The following STXBP5L variants were observed in gnomAD, a reference collection of about 807,000 sequenced individuals.
STXBP5L encodes syntaxin binding protein 5L.
A neutral mutation model predicts 144.5 loss-of-function variants in STXBP5L; 65 were observed. That is an observed-to-expected ratio of 0.45 (90% confidence interval 0.37 to 0.55). The LOEUF is 0.55. Ranked by LOEUF, STXBP5L falls within the 20% of genes least tolerant of loss-of-function variation. STXBP5L has a pLI of 0.00. For synonymous variants in STXBP5L, 505 were observed against 469.6 expected, an observed-to-expected ratio of 1.08 and a Z score of -0.97; for missense variants, 1,298 against 1,405.5, an observed-to-expected ratio of 0.92 and a Z score of 1.22.
chr3:121,193,398 G>T lies in STXBP5L; in HGVS notation c.878-12525G>T, dbSNP rs1393301531. Among the ~76,000 whole-genome samples the T allele has an allele frequency of 2.1e-5, 3 of 143,936 alleles. 1 individual carries two copies. Among genetic ancestry groups the T allele is most frequent in the African/African-American group, 7.7e-5 (3 of 39,122 alleles). 94.4% of individuals were successfully genotyped at this position (143,936 alleles called of 152,430 possible). A position where few individuals can be genotyped will look rare whatever the true frequency, so the allele number is the denominator to read the frequency against. The stretch of plus-strand genomic sequence containing the variant: ...GGGAGTTTAAATTAGTTCAGCCATT[G>T]TGGAAGACAGTGTGGTGATTCCTCA... On this transcript the variant is annotated intron_variant, in intron 9 of 26. Transcript: ENST00000471454.
chr3:121,347,543 T>C (rs2045051120), intron 20 of STXBP5L, among the ~76,000 whole-genome samples: 1 of 152,214 alleles, frequency 6.6e-6, no homozygotes, highest in Admixed American at 6.5e-5. Context: ...ATAAATTACC[T>C]TGGGCAGTAT....
chr3:121,013,676 G>C (rs1216251883), intron 3 of STXBP5L, among the ~76,000 whole-genome samples: 1 of 151,838 alleles, frequency 6.6e-6, no homozygotes, highest in Non-Finnish European at 1.5e-5. Context: ...GTTCAATTAG[G>C]TCCCAACTGT....
chr3:121,316,252 G>A (rs1266076739), intron 19 of STXBP5L, among the ~76,000 whole-genome samples: 2 of 152,140 alleles, frequency 1.3e-5, no homozygotes, highest in East Asian at 1.9e-4. Context: ...TACTATTATT[G>A]TTAGATCCAT....
chr3:121,013,202 G>T (rs1944907742), intron 3 of STXBP5L, among the ~76,000 whole-genome samples: 1 of 151,846 alleles, frequency 6.6e-6, no homozygotes, highest in Non-Finnish European at 1.5e-5. Flanking sequence ...TTTTCCTTTG[G>T]ATATATACCC....
intron 3 of STXBP5L, among the ~76,000 whole-genome samples, chr3:121,034,857 C>A (rs983959143): frequency 6.6e-6 from 1 of 152,110 alleles, no homozygotes; most frequent in Non-Finnish European, 1.5e-5. Flanking sequence ...GTAAGTGTTC[C>A]CTTTCCTCCA....
At chr3:121,036,789 TTTTA>T (rs1179731654) in intron 3 of STXBP5L, among the ~76,000 whole-genome samples, 3 of 123,538 alleles carry the variant, frequency 2.4e-5, no homozygotes, top group Non-Finnish European at 4.8e-5. Flanking sequence ...TTTTTTTTTT[TTTTA>T]TTATACTCTA....
In STXBP5L at chr3:121,301,942, G is replaced by A. The variant is rs550258322; in HGVS notation, c.2111-16533G>A. Among the ~76,000 whole-genome samples, 5 of 152,288 alleles carry A rather than the reference G, an allele frequency of 3.3e-5. No individual in the cohort carries two copies. The East Asian group carries it at 7.7e-4, about 23-fold the overall frequency. Reference sequence around the variant, plus strand: ...GCGTTTTGATGTACTGCTGGATTCGGTTTGCCAGTATTTTACTGAGGATTT... The same window carrying A: ...GCGTTTTGATGTACTGCTGGATTCGATTTGCCAGTATTTTACTGAGGATTT... On this transcript the variant is annotated intron_variant, in intron 19 of 26. Coordinates refer to ENST00000471454, the MANE Select transcript of STXBP5L (RefSeq NM_001308330.2).
chr3:121,035,768 G>A (rs1259752675), intron 3 of STXBP5L, among the ~76,000 whole-genome samples: 1 of 152,096 alleles, frequency 6.6e-6, no homozygotes, highest in East Asian at 1.9e-4. Flanking sequence ...GATAGAAATT[G>A]CATTGAATCT....
At chr3:120,968,888 T>C (rs1159744044) in intron 3 of STXBP5L, among the ~76,000 whole-genome samples, 1 of 152,138 alleles carries the variant, frequency 6.6e-6, no homozygotes, top group African/African-American at 2.4e-5. Context: ...GTCATTCCTT[T>C]TTATGGCTGA....
chr3:121,305,359 A>G (rs2043302113), intron 19 of STXBP5L, among the ~76,000 whole-genome samples: 1 of 152,178 alleles, frequency 6.6e-6, no homozygotes, highest in Admixed American at 6.5e-5. Context: ...CAAAGGCAGT[A>G]CAATAAAAGT....
At chr3:121,328,971 A>T (rs1252705688) in intron 20 of STXBP5L, among the ~76,000 whole-genome samples, 1 of 152,150 alleles carries the variant, frequency 6.6e-6, no homozygotes, top group African/African-American at 2.4e-5. Flanking sequence ...TTAAAAAAAG[A>T]ACTAATCATA....
Position 121,423,623 on chromosome 3 carries a change from T to A in STXBP5L, c.*4526T>A, listed in dbSNP as rs1325960037. The A allele has an allele frequency of 6.6e-6, 1 of 152,230 alleles. No individual in the cohort carries two copies. The highest frequency in any genetic ancestry group is 1.9e-4 in the East Asian group (1 of 5,200). 9.4% of individuals were successfully genotyped at this position (152,230 alleles called of 1,614,324 possible). The stretch of plus-strand genomic sequence containing the variant: ...CATAAGAATCACCTCAGGAAATTTT[T>A]AAATTCCCAATTATATTAAAATCAT... On this transcript the variant is annotated 3_prime_UTR_variant, in exon 27 of 27. Coordinates refer to ENST00000471454, the MANE Select transcript of STXBP5L (RefSeq NM_001308330.2).
At chr3:121,135,581 A>G (rs1188682745) in intron 7 of STXBP5L, among the ~76,000 whole-genome samples, 1 of 152,204 alleles carries the variant, frequency 6.6e-6, no homozygotes, top group Non-Finnish European at 1.5e-5. Flanking sequence ...GATCCCTTGC[A>G]TGTGTACTTT....
chr3:120,977,996 C>G (rs952406459), intron 3 of STXBP5L, among the ~76,000 whole-genome samples: 1 of 152,184 alleles, frequency 6.6e-6, no homozygotes, highest in African/African-American at 2.4e-5. Flanking sequence ...TTCATTTCAA[C>G]TTTGGTGAAT....
At chr3:121,280,141 G>A (rs531286272) in intron 19 of STXBP5L, among the ~76,000 whole-genome samples, 185 bp downstream of exon 19, 83 of 149,554 alleles carry the variant, frequency 5.5e-4, no homozygotes, top group East Asian at 3.9e-4. Context: ...GAAAGGGTCA[G>A]GGGTGTGTAT....
intron 3 of STXBP5L, among the ~76,000 whole-genome samples, chr3:120,967,739 T>C (rs557517570): frequency 2.0e-5 from 3 of 152,272 alleles, no homozygotes; most frequent in Admixed American, 1.3e-4. Flanking sequence ...TTTTTATTGC[T>C]ATAAACAACT....
chr3:121,242,409 G>A (rs1320860704), intron 14 of STXBP5L, among the ~76,000 whole-genome samples: 1 of 152,076 alleles, frequency 6.6e-6, no homozygotes, highest in Non-Finnish European at 1.5e-5. Flanking sequence ...TGTAAATAGA[G>A]TTAAGGCTTT....
At chr3:121,174,440 T>A (rs190902220) in intron 9 of STXBP5L, among the ~76,000 whole-genome samples, 3 of 152,238 alleles carry the variant, frequency 2.0e-5, no homozygotes, top group Admixed American at 6.6e-5. Context: ...ACTTCCAATA[T>A]ACTTATAGAA....
At chr3:121,028,476 A>T (rs1946119184) in intron 3 of STXBP5L, among the ~76,000 whole-genome samples, 1 of 152,088 alleles carries the variant, frequency 6.6e-6, no homozygotes, top group African/African-American at 2.4e-5. Context: ...TCTTGTAGTG[A>T]TTATATGATA....
Sources: allele counts gnomAD v4.1 joint callset (sites outside exome capture counted in the v4.1 genomes callset), GRCh38; gene constraint gnomAD v4.1.1; transcripts MANE v1.5; gene names NCBI Gene and HGNC (gene_info 2026-07-23, HGNC 2026-07-21).